Variants in IARS1 observed in about 807,000 individuals in gnomAD.
The protein encoded by IARS1 is isoleucine--tRNA ligase, cytoplasmic.
IARS1 carries 124 observed loss-of-function variants against 168.2 expected under a neutral mutation model. The ratio of observed to expected loss-of-function variants is 0.74; its 90% CI spans 0.64 to 0.86. The LOEUF (loss-of-function observed/expected upper bound fraction) is 0.86, where lower values mean the gene tolerates loss of function less well. IARS1 is among the 40% of genes least tolerant of loss of function. The probability of loss-of-function intolerance (pLI) is 0.00; values close to 1 mark genes in which losing one functional copy is unlikely to be tolerated. For missense variants in IARS1, 1,452 were observed against 1,515.8 expected, an observed-to-expected ratio of 0.96 and a Z score of 0.70; for synonymous variants, 532 against 529.4, an observed-to-expected ratio of 1.00 and a Z score of -0.07.
intron 10 of IARS1, 47 bp from the exon 11 acceptor site, chr9:92,271,702 G>A (rs772468724): frequency 1.1e-5 from 18 of 1,599,526 alleles, no homozygotes; most frequent in Non-Finnish European, 1.3e-5. Flanking sequence ...TCTATGTATG[G>A]GTGTGAGCAT....
At chr9:92,235,544 G>A (rs1827372473) in intron 30 of IARS1, among the ~76,000 whole-genome samples, 1 of 133,502 alleles carries the variant, frequency 7.5e-6, no homozygotes, top group Non-Finnish European at 1.5e-5. Flanking sequence ...TTGAGATGGA[G>A]TCTCCCTCTG....
intron 33 of IARS1, among the ~76,000 whole-genome samples, chr9:92,216,351 G>T (rs547174545): frequency 1.3e-5 from 2 of 151,528 alleles, no homozygotes; most frequent in African/African-American, 4.8e-5. Context: ...AGACTAGGAA[G>T]AAACTACATC....
At chr9:92,262,830 T>C (rs1413204973) in intron 17 of IARS1, 139 bp downstream of exon 17, 3 of 653,866 alleles carry the variant, frequency 4.6e-6, no homozygotes, top group Non-Finnish European at 8.4e-6. Context: ...CAGGCTTAGC[T>C]GTCACACACT....
At chr9:92,269,645 T>C (rs1010438897) in intron 13 of IARS1, among the ~76,000 whole-genome samples, 4 of 152,252 alleles carry the variant, frequency 2.6e-5, no homozygotes, top group African/African-American at 7.2e-5. Context: ...TGGTTTATCA[T>C]TTCCAATGAG....
At chr9:92,228,414 T>C (rs1268032230) in intron 31 of IARS1, among the ~76,000 whole-genome samples, 1 of 151,952 alleles carries the variant, frequency 6.6e-6, no homozygotes, top group Non-Finnish European at 1.5e-5. Context: ...TTGTGTTTAA[T>C]AAAGTTAAAA....
chr9:92,229,246 CTATACACTA>C, intron 30 of IARS1, 120 bp from the exon 31 acceptor site: 1 of 820,588 alleles, frequency 1.2e-6, no homozygotes, highest in Non-Finnish European at 1.9e-6. Context: ...TTTCCCCCAA[CTATACACTA>C]TATATATGTG....
intron 30 of IARS1, among the ~76,000 whole-genome samples, chr9:92,231,364 T>G (rs1354461870): frequency 1.3e-5 from 2 of 152,080 alleles, no homozygotes; most frequent in Non-Finnish European, 2.9e-5. Context: ...ATCTGTATGC[T>G]TATACATGCC....
intron 33 of IARS1, among the ~76,000 whole-genome samples, chr9:92,218,023 C>T (rs1839029939): frequency 1.3e-5 from 2 of 152,036 alleles, no homozygotes; most frequent in Non-Finnish European, 2.9e-5. Flanking sequence ...CAAAAATCCT[C>T]AATAAAATAC....
At chr9:92,288,527 G>A (rs1835808413) in intron 2 of IARS1, among the ~76,000 whole-genome samples, 1 of 152,080 alleles carries the variant, frequency 6.6e-6, no homozygotes, top group Non-Finnish European at 1.5e-5. Flanking sequence ...ATGACATAAG[G>A]CAAATTATTT....
At chr9:92,284,132 G>C (rs866453106) in intron 6 of IARS1, among the ~76,000 whole-genome samples, 1 of 152,170 alleles carries the variant, frequency 6.6e-6, no homozygotes, top group African/African-American at 2.4e-5. Context: ...AGCCGAGATC[G>C]TGCCACTGCA....
chr9:92,218,270 T>C (rs1420489811), intron 33 of IARS1, among the ~76,000 whole-genome samples: 1 of 138,380 alleles, frequency 7.2e-6, no homozygotes, highest in Admixed American at 7.4e-5. Context: ...TGATGGGACA[T>C]ATTTCAAAAT....
At chr9:92,245,173 A>G in intron 26 of IARS1, 102 bp from the exon 27 acceptor site, 1 of 889,630 alleles carries the variant, frequency 1.1e-6, no homozygotes, top group East Asian at 2.5e-5. Flanking sequence ...TCACAATAAC[A>G]AAGCCACAGA....
intron 26 of IARS1, among the ~76,000 whole-genome samples, chr9:92,246,842 A>G (rs1488583072): frequency 6.6e-6 from 1 of 152,084 alleles, no homozygotes; most frequent in Non-Finnish European, 1.5e-5. Flanking sequence ...TTTTCTTTCT[A>G]AACTGTAAGA....
chr9:92,265,373 A>C, intron 15 of IARS1, 107 bp downstream of exon 15: 1 of 1,065,094 alleles, frequency 9.4e-7, no homozygotes, highest in Non-Finnish European at 1.4e-6. Context: ...TCAGCAAAGT[A>C]ATTCAGCAAG....
intron 7 of IARS1, 36 bp from the exon 8 acceptor site, chr9:92,278,322 A>G: frequency 6.4e-6 from 9 of 1,416,850 alleles, no homozygotes; most frequent in Non-Finnish European, 9.0e-6. Context: ...CTTGGGTTAT[A>G]TTCTGAACTT....
intron 7 of IARS1, among the ~76,000 whole-genome samples, chr9:92,280,335 T>C (rs936179834): frequency 1.8e-4 from 28 of 152,212 alleles, no homozygotes; most frequent in African/African-American, 6.0e-4. Flanking sequence ...CAATCTTCTT[T>C]TTAAATCTCG....
intron 4 of IARS1, among the ~76,000 whole-genome samples, chr9:92,287,199 G>A (rs1158226416): frequency 1.3e-5 from 2 of 152,174 alleles, no homozygotes; most frequent in Non-Finnish European, 2.9e-5. Context: ...CACATTGAGA[G>A]ACATTATAGA....
rs540951470 is a variant in IARS1, at chr9:92,219,500, A to T, written c.3706+3020T>A. ...ACAGGCAACCTACAGAATGGGAGAA[A>T]ATTTTCGCAACCTACTCATCTGACA... On this transcript the variant is annotated intron_variant, in intron 33 of 33. Coordinates refer to ENST00000443024, the MANE Select transcript of IARS1 (RefSeq NM_002161.6). 2.0e-5 allele frequency among the ~76,000 whole-genome samples: 3 copies of T among 149,864 alleles called. No individual in the cohort carries two copies. In the East Asian group the frequency reaches 5.8e-4, roughly 29 times the overall value.
chr9:92,280,960 C>A (rs1834463433), intron 6 of IARS1, 67 bp from the exon 7 acceptor site: 1 of 1,089,550 alleles, frequency 9.2e-7, no homozygotes, highest in Non-Finnish European at 1.3e-6. Flanking sequence ...GAAAAAGGAA[C>A]TACTCCTAAA....
Sources: gnomAD v4.1 joint callset for allele counts (sites outside exome capture counted in the v4.1 genomes callset) on GRCh38, gnomAD v4.1.1 for gene constraint, MANE v1.5 for transcripts, NCBI Gene and HGNC (gene_info 2026-07-23, HGNC 2026-07-21) for gene names.